Variants in SOD2 observed in about 807,000 individuals in gnomAD.
The protein encoded by SOD2 is superoxide dismutase 2.
In SOD2, 11 loss-of-function variants were observed where a neutral mutation model predicts 27.0. The ratio of observed to expected loss-of-function variants is 0.41; its 90% CI spans 0.26 to 0.67. The LOEUF is 0.67. SOD2 is among the 30% of genes least tolerant of loss of function. The pLI is 0.34. For missense variants in SOD2, 250 were observed against 274.5 expected (o/e 0.91, Z 0.63); for synonymous variants, 105 against 103.0 (o/e 1.02, Z -0.12).
At chr6:159,727,384 C>T, upstream of SOD2, 1 of 517,778 alleles carries the variant, frequency 1.9e-6, no homozygotes, top group South Asian at 2.6e-5. Flanking sequence ...TGGCGGGAGG[C>T]GGGAGGCGGG....
At chr6:159,733,148 C>T (rs1778691570) in intron 1 of SOD2, among the ~76,000 whole-genome samples, 3 of 150,486 alleles carry the variant, frequency 2.0e-5, no homozygotes, top group Non-Finnish European at 4.4e-5. Flanking sequence ...ATAAACTGGG[C>T]AACAAGGGAG....
chr6:159,692,884 C>G (rs759737404), intron 1 of SOD2, 21 bp from the exon 2 acceptor site: 5 of 1,569,620 alleles, frequency 3.2e-6, no homozygotes, highest in Non-Finnish European at 4.3e-6. Flanking sequence ...GAAAGCACAG[C>G]CCGGTCAGTC....
In SOD2 at chr6:159,714,859, A is replaced by G. The variant is rs140739709; in HGVS notation, c.-116+12270T>C. Among the ~76,000 whole-genome samples, 966 of 152,146 alleles carry G rather than the reference A, an allele frequency of 6.3e-3. 12 individuals are homozygous for G. Among genetic ancestry groups the G allele is most frequent in the African/African-American group, 0.022 (932 of 41,514 alleles). ...TTTCTTGGACCTTTAGTTATACATA[A>G]GAGGCTTTTGCTGGTGGCTGTTTTT... On this transcript the variant is annotated intron_variant, in intron 1 of 2. Coordinates refer to the SOD2 transcript ENST00000401980.
Position 159,761,418 on chromosome 6 carries a change from C to T in SOD2, c.-717G>A, listed in dbSNP as rs920025778. 1.9e-5 allele frequency: 8 copies of T among 414,736 alleles called. 1 individual carries two copies. Among genetic ancestry groups the T allele is most frequent in the South Asian group, 1.3e-4 (8 of 59,264 alleles). The allele number at this position is 414,736 out of a possible 1,614,324, so 25.7% of individuals were successfully genotyped here. ...TGTGACGCTAAGACGCTCCCGGCGT[C>T]CTCACCCGTTCACAGCCAGAGTTGA... is the stretch of plus-strand genomic sequence containing the variant. On this transcript the variant is annotated 5_prime_UTR_variant, in exon 1 of 8. Transcript: ENST00000546087.
At chr6:159,709,647 G>A (rs1229058310) in intron 1 of SOD2, among the ~76,000 whole-genome samples, 3 of 152,230 alleles carry the variant, frequency 2.0e-5, no homozygotes, top group South Asian at 2.1e-4. Context: ...GGAGAAATAG[G>A]AACACTTTTA....
intron 2 of SOD2, among the ~76,000 whole-genome samples, chr6:159,688,775 A>G (rs1273232194): frequency 4.6e-5 from 7 of 152,136 alleles, no homozygotes; most frequent in Non-Finnish European, 1.5e-5. Context: ...TGGGAACCTG[A>G]TGTCATTTTT....
At chr6:159,710,992 ACACT>A (rs1402989772) in intron 1 of SOD2, among the ~76,000 whole-genome samples, 42 of 86,390 alleles carry the variant, frequency 4.9e-4, no homozygotes, top group South Asian at 1.0e-3. Context: ...ACCACCACTC[ACACT>A]GCTCTGACCT....
intron 1 of SOD2, chr6:159,760,701 AG>A (rs1780105416): frequency 6.6e-6 from 1 of 152,290 alleles, no homozygotes; most frequent in Admixed American, 6.5e-5. Context: ...TTACCCAGGG[AG>A]CTGGTGCAAA....
intron 3 of SOD2, among the ~76,000 whole-genome samples, chr6:159,686,926 CAGGAAGTCA>C (rs796317937): frequency 4.6e-4 from 70 of 152,288 alleles, no homozygotes; most frequent in African/African-American, 1.7e-3. Context: ...ACAAGCTACA[CAGGAAGTCA>C]AGGAAACAGT....
In SOD2 at chr6:159,669,094, G is replaced by T. The variant is rs1346185264; in HGVS notation, c.*13399C>A. 6.6e-6 allele frequency: 1 copy of T among 152,118 alleles called. No individual in the cohort carries two copies. The highest frequency in any genetic ancestry group is 2.1e-4 in the South Asian group (1 of 4,828). The allele number at this position is 152,118 out of a possible 1,614,324, so 9.4% of individuals were successfully genotyped here. ...TCAGTGGAATTACTTTATTAAATCA[G>T]AAAATTACAGCATTTTTGTACATGA... On this transcript the variant is annotated 3_prime_UTR_variant, in exon 5 of 5. Coordinates refer to ENST00000538183, the MANE Select transcript of SOD2 (RefSeq NM_000636.4).
intron 1 of SOD2, among the ~76,000 whole-genome samples, chr6:159,708,878 A>G (rs1014804855): frequency 6.6e-6 from 1 of 152,236 alleles, no homozygotes; most frequent in African/African-American, 2.4e-5. Context: ...CTACAAGACT[A>G]CAGTAACCAA....
chr6:159,752,648 T>A (rs1398871721), intron 1 of SOD2, among the ~76,000 whole-genome samples: 1 of 151,692 alleles, frequency 6.6e-6, no homozygotes, highest in African/African-American at 2.4e-5. Flanking sequence ...TCCAATAAAG[T>A]CTTAAGTCTT....
intron 1 of SOD2, among the ~76,000 whole-genome samples, chr6:159,705,106 C>T (rs1375172287): frequency 6.6e-6 from 1 of 152,146 alleles, no homozygotes; most frequent in African/African-American, 2.4e-5. Context: ...ACATCCACTC[C>T]AAAACCCTAC....
chr6:159,756,234 C>T (rs934688828), intron 1 of SOD2: 1 of 152,736 alleles, frequency 6.5e-6, no homozygotes, highest in Non-Finnish European at 1.5e-5. Flanking sequence ...CTGTTGTATC[C>T]TGTTAATGCA....
intron 4 of SOD2, 86 bp from the exon 5 acceptor site, chr6:159,682,724 C>T: frequency 1.5e-6 from 2 of 1,350,964 alleles, no homozygotes; most frequent in South Asian, 1.6e-5. Context: ...TATTATTCTA[C>T]TCACACAAAA....
chr6:159,745,731 ACT>A (rs767609608), upstream of SOD2, among the ~76,000 whole-genome samples: 4 of 152,182 alleles, frequency 2.6e-5, no homozygotes, highest in Non-Finnish European at 2.9e-5. Flanking sequence ...TAGGTAGATC[ACT>A]CTGACTTGAG....
chr6:159,721,569 C>T (rs1278412620), intron 1 of SOD2, among the ~76,000 whole-genome samples: 4 of 151,342 alleles, frequency 2.6e-5, no homozygotes, highest in Non-Finnish European at 4.4e-5. Flanking sequence ...GGTTTCTCCA[C>T]GTTGGTCAGG....
upstream of SOD2, among the ~76,000 whole-genome samples, chr6:159,694,175 A>G (rs1168468706): frequency 1.3e-5 from 2 of 152,228 alleles, no homozygotes; most frequent in Non-Finnish European, 2.9e-5. Flanking sequence ...AAAGGACAAC[A>G]GAGGATTCTT....
At chr6:159,693,592 C>T (rs1180760951), upstream of SOD2, among the ~76,000 whole-genome samples, 4 of 152,318 alleles carry the variant, frequency 2.6e-5, no homozygotes, top group African/African-American at 9.6e-5. Context: ...CCTGAGGGTG[C>T]CGGCGGGGAT....
Sources: gnomAD v4.1 joint callset for allele counts (sites outside exome capture counted in the v4.1 genomes callset) on GRCh38, gnomAD v4.1.1 for gene constraint, MANE v1.5 for transcripts, NCBI Gene and HGNC (gene_info 2026-07-23, HGNC 2026-07-21) for gene names.